The following CAST variants were observed in gnomAD, a reference collection of about 807,000 sequenced individuals.
The protein encoded by CAST is calpastatin, also known as MIR583 host.
CAST carries 76 observed loss-of-function variants against 119.6 expected under a neutral mutation model. The ratio of observed to expected loss-of-function variants is 0.64; its 90% CI spans 0.53 to 0.77. The LOEUF (loss-of-function observed/expected upper bound fraction) is 0.77. CAST is among the 30% of genes least tolerant of loss of function. CAST has a pLI of 0.00. For missense variants in CAST, 953 were observed against 946.5 expected, an observed-to-expected ratio of 1.01 and a Z score of -0.09; for synonymous variants, 319 against 331.6, an observed-to-expected ratio of 0.96 and a Z score of 0.41.
chr5:96,090,715 C>T, the CAST span, among the ~76,000 whole-genome samples: 1 of 151,924 alleles, frequency 6.6e-6, no homozygotes, highest in Non-Finnish European at 1.5e-5. Context: ...AAAGTACCTT[C>T]TGAGGGAACT....
intron 1 of CAST, among the ~76,000 whole-genome samples, chr5:96,586,792 A>G (rs1485876538): frequency 1.3e-5 from 2 of 152,246 alleles, no homozygotes; most frequent in Non-Finnish European, 2.9e-5. Flanking sequence ...ATTAATTCAC[A>G]AAGAGTTGAG....
the CAST span, among the ~76,000 whole-genome samples, chr5:96,270,705 C>A: frequency 0.19 from 28,192 of 151,370 alleles, 4,332 homozygotes; most frequent in African/African-American, 0.42. Flanking sequence ...GGGGCCTATC[C>A]GAGGGGGTGA....
the CAST span, among the ~76,000 whole-genome samples, chr5:96,098,930 C>T: frequency 6.6e-6 from 1 of 152,102 alleles, no homozygotes; most frequent in African/African-American, 2.4e-5. Flanking sequence ...GCCATTTTCA[C>T]GATATTGATT....
the CAST span, among the ~76,000 whole-genome samples, chr5:96,304,896 T>G: frequency 2.0e-5 from 3 of 152,216 alleles, no homozygotes; most frequent in Admixed American, 2.0e-4. Context: ...TGCCTCCAGC[T>G]TTGTTCTTTT....
the CAST span, among the ~76,000 whole-genome samples, chr5:96,451,563 C>T: frequency 2.0e-5 from 3 of 152,130 alleles, no homozygotes; most frequent in Admixed American, 1.3e-4. Flanking sequence ...TAGGCAATAC[C>T]ATTCAGGACA....
At chr5:96,130,062 TG>T in the CAST span, among the ~76,000 whole-genome samples, 4 of 138,614 alleles carry the variant, frequency 2.9e-5, no homozygotes, top group African/African-American at 1.1e-4. Context: ...TGCTGTCCCC[TG>T]GGCTGCAACT....
chr5:96,702,387 G>A (rs1014782785), intron 3 of CAST, among the ~76,000 whole-genome samples: 1 of 152,032 alleles, frequency 6.6e-6, no homozygotes, highest in Non-Finnish European at 1.5e-5. Flanking sequence ...AAAGTAATCG[G>A]GTAGAATTCT....
chr5:96,251,604 A>G, the CAST span, among the ~76,000 whole-genome samples: 800 of 152,282 alleles, frequency 5.3e-3, 7 homozygotes, highest in African/African-American at 0.018. Context: ...GTGAAAAGAG[A>G]TGAGATAAGA....
chr5:96,082,063 G>A, the CAST span, among the ~76,000 whole-genome samples: 37 of 152,172 alleles, frequency 2.4e-4, no homozygotes, highest in East Asian at 4.6e-3. Flanking sequence ...ACAGGCGCAC[G>A]CTACCACACC....
chr5:96,113,694 C>G, the CAST span, among the ~76,000 whole-genome samples: 1 of 152,204 alleles, frequency 6.6e-6, no homozygotes, highest in Non-Finnish European at 1.5e-5. Context: ...GTACACAGCT[C>G]TTTCCTTGCA....
chr5:96,080,386 A>G, the CAST span, among the ~76,000 whole-genome samples: 12 of 152,206 alleles, frequency 7.9e-5, no homozygotes, highest in Admixed American at 3.9e-4. Flanking sequence ...AAATCTCACT[A>G]CTAAGCTTAT....
chr5:96,292,158 A>G, the CAST span, among the ~76,000 whole-genome samples: 1 of 152,172 alleles, frequency 6.6e-6, no homozygotes, highest in African/African-American at 2.4e-5. Context: ...AGAGGCTTCA[A>G]GCTTTACCCT....
At chr5:96,398,366 C>A in the CAST span, among the ~76,000 whole-genome samples, 1 of 152,164 alleles carries the variant, frequency 6.6e-6, no homozygotes, top group African/African-American at 2.4e-5. Context: ...CATCCACTAT[C>A]TTATCTGAAT....
the CAST span, among the ~76,000 whole-genome samples, chr5:96,518,475 C>T: frequency 6.6e-5 from 10 of 152,306 alleles, no homozygotes; most frequent in Admixed American, 5.2e-4. Flanking sequence ...CTAAAATGTA[C>T]ATTTGAGCTT....
chr5:96,337,391 AATT>A, the CAST span, among the ~76,000 whole-genome samples: 1 of 152,222 alleles, frequency 6.6e-6, no homozygotes, highest in Non-Finnish European at 1.5e-5. Context: ...TTATAGGTAA[AATT>A]ATATTTTATG....
chr5:96,283,708 A>T, the CAST span, among the ~76,000 whole-genome samples: 1 of 152,228 alleles, frequency 6.6e-6, no homozygotes, highest in Non-Finnish European at 1.5e-5. Flanking sequence ...CATTTGTTTT[A>T]TGTGCAGTGG....
At chr5:95,964,102 G>A in the CAST span, among the ~76,000 whole-genome samples, 1 of 152,086 alleles carries the variant, frequency 6.6e-6, no homozygotes, top group Non-Finnish European at 1.5e-5. Context: ...GTGAGTTAAT[G>A]GTTGTTTGTA....
the CAST span, among the ~76,000 whole-genome samples, chr5:96,465,942 G>A: frequency 6.6e-6 from 1 of 152,028 alleles, no homozygotes; most frequent in South Asian, 2.1e-4. Flanking sequence ...TCCGTGACTT[G>A]AGTTTATAAC....
chr5:96,690,366 G>A lies in CAST; in HGVS notation c.139-5470G>A, dbSNP rs1428455674. 2.6e-5 allele frequency among the ~76,000 whole-genome samples: 4 copies of A among 151,982 alleles called. No homozygotes were observed. In the East Asian group the frequency reaches 7.7e-4, roughly 29 times the overall value. ...CCTACCTCAGCCTCCCAAGTAGCTG[G>A]GGTTACAGACATGCGCCATTACACC... On this transcript the variant is annotated intron_variant, in intron 2 of 31. Transcript: ENST00000675179.
Sources: allele counts gnomAD v4.1 joint callset (sites outside exome capture counted in the v4.1 genomes callset), GRCh38; gene constraint gnomAD v4.1.1; transcripts MANE v1.5; gene names NCBI Gene and HGNC (gene_info 2026-07-23, HGNC 2026-07-21).